The following TRAM2 variants were observed in gnomAD, a reference collection of about 807,000 sequenced individuals.
TRAM2 encodes the protein translocating chain-associated membrane protein 2.
Under a neutral mutation model 51.0 loss-of-function variants are expected in TRAM2, and 12 were observed. That is an observed-to-expected ratio of 0.24 (90% CI 0.15 to 0.38). TRAM2 has a LOEUF of 0.38. TRAM2 is among the 10% of genes least tolerant of loss of function. The probability of loss-of-function intolerance (pLI) is 1.00; values close to 1 mark genes in which losing one functional copy is unlikely to be tolerated. For synonymous variants in TRAM2, 175 were observed against 179.4 expected (o/e 0.98, Z 0.20); for missense variants, 361 against 462.0 (o/e 0.78, Z 2.00).
In TRAM2 at chr6:52,501,556, T is replaced by C. The variant is rs1766224257; in HGVS notation, c.*1641A>G. ...TTCGGAGGTTCTTAATTGGGACTTT[T>C]GTTTTTTTAGACAGAATTTCGCTCT... On this transcript the variant is annotated 3_prime_UTR_variant, in exon 11 of 11. Coordinates refer to ENST00000182527, the MANE Select transcript of TRAM2 (RefSeq NM_012288.4). 1 of 152,260 alleles carries C rather than the reference T, an allele frequency of 6.6e-6. No individual in the cohort carries two copies. The highest frequency in any genetic ancestry group is 6.5e-5 in the Admixed American group (1 of 15,284). 9.4% of individuals were successfully genotyped at this position (152,260 alleles called of 1,614,324 possible). A position where few individuals can be genotyped will look rare whatever the true frequency, so the allele number is the denominator to read the frequency against.
chr6:52,524,066 T>G (rs1766726776), intron 2 of TRAM2: 1 of 152,080 alleles, frequency 6.6e-6, no homozygotes, highest in South Asian at 2.1e-4. Context: ...CAGAGAGAAA[T>G]GAAATCAAGA....
At chr6:52,561,647 G>A (rs1027552170) in intron 1 of TRAM2, among the ~76,000 whole-genome samples, 1 of 152,054 alleles carries the variant, frequency 6.6e-6, no homozygotes, top group East Asian at 1.9e-4. Flanking sequence ...CACCACGCCC[G>A]GCTAATTTTT....
At chr6:52,524,366 A>G (rs1331572754) in intron 2 of TRAM2, 6 of 139,564 alleles carry the variant, frequency 4.3e-5, no homozygotes, top group Non-Finnish European at 7.6e-5. Flanking sequence ...ATGCATTTGT[A>G]TTTGCATAAA....
At position 52,502,980 on chromosome 6, in the gene TRAM2, A is replaced by C; in HGVS notation, c.*217T>G. ...AGGAGGTGGCCTGAGGGGGAGAAAGAGAAAGATTTTTGGCTTTATTGAGAA... is the reference window on the plus strand; with the variant it reads ...AGGAGGTGGCCTGAGGGGGAGAAAGCGAAAGATTTTTGGCTTTATTGAGAA... On this transcript the variant is annotated 3_prime_UTR_variant, in exon 11 of 11. Transcript: ENST00000182527. 1 of 599,180 alleles carries C rather than the reference A, an allele frequency of 1.7e-6. No homozygotes were observed. The highest frequency in any genetic ancestry group is 2.9e-5 in the Admixed American group (1 of 33,900). 37.1% of individuals were successfully genotyped at this position (599,180 alleles called of 1,614,324 possible).
chr6:52,576,984 A>G lies in TRAM2; in HGVS notation c.-69T>C, dbSNP rs1179194810. 1 of 1,423,752 alleles carries G rather than the reference A, an allele frequency of 7.0e-7. No homozygotes were observed. Among genetic ancestry groups the G allele is most frequent in the African/African-American group, 1.5e-5 (1 of 65,868 alleles). The allele number at this position is 1,423,752 out of a possible 1,614,324, so 88.2% of individuals were successfully genotyped here. A position where few individuals can be genotyped will look rare whatever the true frequency, so the allele number is the denominator to read the frequency against. Reference sequence around the variant, plus strand: ...CACGAACCGCAGCGCAAACTTCTCCAGCACCGGCCCGGTCCGCCCGCCGGC... The same window carrying G: ...CACGAACCGCAGCGCAAACTTCTCCGGCACCGGCCCGGTCCGCCCGCCGGC... On this transcript the variant is annotated 5_prime_UTR_variant, in exon 1 of 11. Transcript: ENST00000182527.
chr6:52,528,469 G>A (rs1273991815), intron 2 of TRAM2, among the ~76,000 whole-genome samples: 4 of 152,020 alleles, frequency 2.6e-5, no homozygotes, highest in African/African-American at 9.7e-5. Context: ...ACAAGCAGGA[G>A]ACAACACTAA....
At position 52,503,098 on chromosome 6, in the gene TRAM2, A is replaced by G; in HGVS notation, c.*99T>C. 1 of 1,013,106 alleles carries G rather than the reference A, an allele frequency of 9.9e-7. No homozygotes were observed. The highest frequency in any genetic ancestry group is 1.3e-5 in the South Asian group (1 of 78,344). 62.8% of individuals were successfully genotyped at this position (1,013,106 alleles called of 1,614,324 possible). A position where few individuals can be genotyped will look rare whatever the true frequency, so the allele number is the denominator to read the frequency against. On this transcript the variant is annotated 3_prime_UTR_variant, in exon 11 of 11. Coordinates refer to ENST00000182527, the MANE Select transcript of TRAM2 (RefSeq NM_012288.4). ...GACAGGTTTCGGCTGTTTGAGACGG[A>G]GCATCACAGGCAGGAAGGAGGAGGC...
At chr6:52,526,083 AT>A (rs1446423325) in intron 2 of TRAM2, among the ~76,000 whole-genome samples, 1 of 151,732 alleles carries the variant, frequency 6.6e-6, no homozygotes, top group African/African-American at 2.4e-5. Context: ...GAGACAATAC[AT>A]TTCTGTTGTT....
At chr6:52,534,109 C>T (rs977998355) in intron 2 of TRAM2, among the ~76,000 whole-genome samples, 1 of 146,624 alleles carries the variant, frequency 6.8e-6, no homozygotes, top group Non-Finnish European at 1.5e-5. Flanking sequence ...AGGCTGGGCA[C>T]GGTGGCTCAC....
At chr6:52,541,627 T>A (rs1014092178) in intron 1 of TRAM2, among the ~76,000 whole-genome samples, 6 of 152,176 alleles carry the variant, frequency 3.9e-5, no homozygotes, top group African/African-American at 1.4e-4. Flanking sequence ...CTCGGGTTAA[T>A]CCACCACCTG....
intron 1 of TRAM2, among the ~76,000 whole-genome samples, chr6:52,550,518 G>T (rs980084708): frequency 6.6e-6 from 1 of 152,000 alleles, no homozygotes; most frequent in African/African-American, 2.4e-5. Context: ...CCTCATCAAC[G>T]TAACTGCTGG....
intron 10 of TRAM2, 84 bp from the exon 11 acceptor site, chr6:52,503,354 A>C: frequency 7.8e-7 from 1 of 1,280,258 alleles, no homozygotes; most frequent in Non-Finnish European, 1.1e-6. Context: ...AGGCCAAGGA[A>C]GGGGCCCGGG....
intron 1 of TRAM2, among the ~76,000 whole-genome samples, chr6:52,540,422 A>C (rs1457343796): frequency 6.6e-6 from 1 of 152,196 alleles, no homozygotes; most frequent in Non-Finnish European, 1.5e-5. Context: ...CATTCCAGGA[A>C]GTCCTACTCA....
At chr6:52,545,971 A>T (rs967847084) in intron 1 of TRAM2, among the ~76,000 whole-genome samples, 3 of 152,110 alleles carry the variant, frequency 2.0e-5, no homozygotes, top group African/African-American at 7.2e-5. Context: ...CAGACAGATA[A>T]ATCAGTATGC....
chr6:52,507,687 G>A, intron 6 of TRAM2, 64 bp from the exon 7 acceptor site: 1 of 1,532,728 alleles, frequency 6.5e-7, no homozygotes, highest in South Asian at 1.1e-5. Context: ...AGGGAAGGGG[G>A]AAAAGTGCAG....
At chr6:52,570,916 G>C (rs1437672279) in intron 1 of TRAM2, among the ~76,000 whole-genome samples, 4 of 151,798 alleles carry the variant, frequency 2.6e-5, no homozygotes, top group African/African-American at 9.7e-5. Context: ...ATGTTAACCA[G>C]CTGCGACCAA....
rs1766266888 is a variant in TRAM2, at chr6:52,503,088, T to A, written c.*109A>T. On this transcript the variant is annotated 3_prime_UTR_variant, in exon 11 of 11. Coordinates refer to ENST00000182527, the MANE Select transcript of TRAM2 (RefSeq NM_012288.4). The stretch of plus-strand genomic sequence containing the variant: ...CCCATTGCAAGACAGGTTTCGGCTG[T>A]TTGAGACGGAGCATCACAGGCAGGA... 1.1e-6 allele frequency: 1 copy of A among 943,538 alleles called. No homozygotes were observed. Among genetic ancestry groups the A allele is most frequent in the East Asian group, 2.4e-5 (1 of 41,850 alleles). 58.4% of individuals were successfully genotyped at this position (943,538 alleles called of 1,614,324 possible). A position where few individuals can be genotyped will look rare whatever the true frequency, so the allele number is the denominator to read the frequency against.
intron 2 of TRAM2, chr6:52,523,052 G>C (rs1766706178): frequency 3.6e-6 from 2 of 559,922 alleles, no homozygotes; most frequent in Non-Finnish European, 6.3e-6. Flanking sequence ...ATCTGCCCTA[G>C]AAGCTTCTTC....
intron 1 of TRAM2, among the ~76,000 whole-genome samples, chr6:52,561,632 C>T (rs1767503457): frequency 1.3e-5 from 2 of 152,158 alleles, no homozygotes; most frequent in Non-Finnish European, 2.9e-5. Flanking sequence ...ACTACAGGCG[C>T]CCACCACCAC....
Sources: allele counts gnomAD v4.1 joint callset (sites outside exome capture counted in the v4.1 genomes callset), GRCh38; gene constraint gnomAD v4.1.1; transcripts MANE v1.5; gene names NCBI Gene and HGNC (gene_info 2026-07-23, HGNC 2026-07-21).